The following CEP63 variants were observed in gnomAD, a reference collection of about 807,000 sequenced individuals.
CEP63 encodes the protein centrosomal protein 63, also known as centrosomal protein of 63 kDa.
Under a neutral mutation model 89.1 loss-of-function variants are expected in CEP63, and 84 were observed. The ratio of observed to expected loss-of-function variants is 0.94; its 90% CI spans 0.79 to 1.13. The LOEUF is 1.13. CEP63 is among the 50% of genes most tolerant of loss of function. CEP63 has a pLI of 0.00. For synonymous variants in CEP63, 267 were observed against 272.5 expected (o/e 0.98, Z 0.20); for missense variants, 838 against 813.3 (o/e 1.03, Z -0.37).
chr3:134,551,874 A>C, intron 11 of CEP63, 52 bp from the exon 12 acceptor site: 1 of 1,203,728 alleles, frequency 8.3e-7, no homozygotes, highest in Non-Finnish European at 1.2e-6. Flanking sequence ...ATTTTGTAAG[A>C]TGCATGTGAT....
intron 3 of CEP63, among the ~76,000 whole-genome samples, chr3:134,513,082 A>G (rs903101919): frequency 1.3e-5 from 2 of 152,176 alleles, no homozygotes; most frequent in African/African-American, 4.8e-5. Context: ...CTGTGAAGAC[A>G]TCTCTCCTGG....
chr3:134,629,479 A>C, the CEP63 span: 2 of 635,412 alleles, frequency 3.1e-6, no homozygotes, highest in Non-Finnish European at 5.7e-6. Context: ...TAAAGCTGTC[A>C]TGCTTCTGCC....
At chr3:134,737,212 A>G in the CEP63 span, among the ~76,000 whole-genome samples, 3 of 152,220 alleles carry the variant, frequency 2.0e-5, no homozygotes, top group African/African-American at 7.2e-5. Flanking sequence ...AAGGAGATAT[A>G]GAGAAATTTT....
the CEP63 span, among the ~76,000 whole-genome samples, chr3:134,598,369 A>G: frequency 6.6e-6 from 1 of 152,170 alleles, no homozygotes; most frequent in African/African-American, 2.4e-5. Context: ...TATAAAAACC[A>G]GTTTTTTGTT....
At chr3:134,611,053 T>A in the CEP63 span, among the ~76,000 whole-genome samples, 2 of 152,174 alleles carry the variant, frequency 1.3e-5, no homozygotes, top group Non-Finnish European at 2.9e-5. Flanking sequence ...GGTGGGTCTG[T>A]CCTTTGTGAA....
the CEP63 span, among the ~76,000 whole-genome samples, chr3:134,708,772 A>T: frequency 6.6e-6 from 1 of 152,148 alleles, no homozygotes; most frequent in Non-Finnish European, 1.5e-5. Context: ...GACCTTGATC[A>T]TGGAGGGATG....
At chr3:134,567,796 C>G (rs1270781467), downstream of CEP63, among the ~76,000 whole-genome samples, 1 of 152,186 alleles carries the variant, frequency 6.6e-6, no homozygotes, top group Admixed American at 6.5e-5. Flanking sequence ...CAGCAAAGGC[C>G]ACTCATCAGC....
In CEP63 at chr3:134,571,638, G is replaced by GCA. The variant is rs1958015121; in HGVS notation, c.1330-3154_1330-3153insAC. Among the ~76,000 whole-genome samples, 5 of 151,314 alleles carry GCA rather than the reference G, an allele frequency of 3.3e-5. No homozygotes were observed. In the East Asian group the frequency reaches 9.8e-4, roughly 30 times the overall value. On this transcript the variant is annotated intron_variant, in intron 11 of 11. Coordinates refer to the CEP63 transcript ENST00000354446. The stretch of plus-strand genomic sequence containing the variant: ...GGAGCTTGCAGTGAGCTGAGATCGT[G>GCA]CCACTGCACTCCAGCCTGGGCAACA...
the CEP63 span, among the ~76,000 whole-genome samples, chr3:134,673,339 T>C: frequency 2.6e-5 from 4 of 152,152 alleles, no homozygotes; most frequent in Admixed American, 1.3e-4. Flanking sequence ...ATAGAAGCCA[T>C]TGGACTTCCT....
At chr3:134,511,680 A>T (rs1191226870) in intron 3 of CEP63, among the ~76,000 whole-genome samples, 2 of 152,154 alleles carry the variant, frequency 1.3e-5, no homozygotes, top group Non-Finnish European at 1.5e-5. Context: ...AGTGAAGAGG[A>T]AGCAGGCACA....
intron 12 of CEP63, chr3:134,553,637 A>G (rs995254056): frequency 2.0e-5 from 3 of 152,250 alleles, no homozygotes; most frequent in African/African-American, 4.8e-5. Flanking sequence ...AAAAACTAAT[A>G]TATAGCCAGT....
At chr3:134,756,016 G>C in the CEP63 span, among the ~76,000 whole-genome samples, 1 of 152,204 alleles carries the variant, frequency 6.6e-6, no homozygotes, top group East Asian at 1.9e-4. Flanking sequence ...CAGGAAGCTG[G>C]AGCCAGAGGG....
At chr3:134,520,431 A>AATAG (rs371162879) in intron 3 of CEP63, among the ~76,000 whole-genome samples, 58 of 152,298 alleles carry the variant, frequency 3.8e-4, no homozygotes, top group African/African-American at 1.3e-3. Flanking sequence ...TAAATGGAAG[A>AATAG]ATAGATGTTC....
chr3:134,559,565 A>G (rs1956967374), intron 14 of CEP63, 136 bp downstream of exon 14: 1 of 743,304 alleles, frequency 1.3e-6, no homozygotes, highest in African/African-American at 1.8e-5. Flanking sequence ...ATTCTTAGGT[A>G]TCCCTGTCAT....
intron 6 of CEP63, among the ~76,000 whole-genome samples, chr3:134,545,119 G>A (rs947790225): frequency 6.6e-6 from 1 of 151,708 alleles, no homozygotes; most frequent in Non-Finnish European, 1.5e-5. Context: ...TCAGCCTCCC[G>A]ATCCCGAGTA....
chr3:134,707,788 G>T, the CEP63 span, among the ~76,000 whole-genome samples: 332 of 135,584 alleles, frequency 2.4e-3, 1 homozygote, highest in African/African-American at 8.4e-3. Flanking sequence ...TCATTGAGGT[G>T]AACTGGAATT....
chr3:134,667,404 G>C, the CEP63 span, among the ~76,000 whole-genome samples: 7 of 152,158 alleles, frequency 4.6e-5, no homozygotes, highest in African/African-American at 1.4e-4. Flanking sequence ...GGCAAATTCA[G>C]GGGGTGCATT....
chr3:134,702,026 A>G, the CEP63 span, among the ~76,000 whole-genome samples: 1 of 152,094 alleles, frequency 6.6e-6, no homozygotes, highest in Admixed American at 6.6e-5. Context: ...TGATGGAGGG[A>G]CAAATCAATG....
In CEP63 at chr3:134,561,393, C is replaced by T. The variant is rs374919528; in HGVS notation, c.1970C>T (p.Ser657Phe). The T allele has an allele frequency of 9.0e-5, 146 of 1,613,780 alleles. No individual in the cohort carries two copies. Among genetic ancestry groups the T allele is most frequent in the Non-Finnish European group, 1.1e-4 (129 of 1,179,858 alleles). ...EFISSCSLPVSPLGSIATRFL... is the reference protein window; with the variant it reads ...EFISSCSLPVFPLGSIATRFL... ...CTCTTCCAGTGTTCCTTGCCTGTAT[C>T]TCCCCTTGGTTCAATAGCTACCAGA... Residue 657 changes from serine to phenylalanine, a missense_variant, in exon 15 of 15, where the codon TCT becomes TTT. Physicochemically the swap from Ser to Phe is radical, Grantham distance 155. Coordinates refer to ENST00000675561, the MANE Select transcript of CEP63 (RefSeq NM_001353108.3).
Sources: gnomAD v4.1 joint callset for allele counts (sites outside exome capture counted in the v4.1 genomes callset) on GRCh38, gnomAD v4.1.1 for gene constraint, MANE v1.5 for transcripts, NCBI Gene and HGNC (gene_info 2026-07-23, HGNC 2026-07-21) for gene names.